Variants in IWS1 observed in about 807,000 individuals in gnomAD.
IWS1 encodes protein IWS1 homolog.
IWS1 carries 27 observed loss-of-function variants against 86.7 expected under a neutral mutation model. The ratio of observed to expected loss-of-function variants is 0.31; its 90% confidence interval spans 0.23 to 0.43. The LOEUF (loss-of-function observed/expected upper bound fraction) is 0.43, where lower values mean the gene tolerates loss of function less well. Ranked by LOEUF, IWS1 falls within the 20% of genes least tolerant of loss-of-function variation. IWS1 has a pLI of 1.00. For missense variants in IWS1, 827 were observed against 1,000.8 expected, an observed-to-expected ratio of 0.83 and a Z score of 2.34; for synonymous variants, 313 against 335.1, an observed-to-expected ratio of 0.93 and a Z score of 0.72.
chr2:127,511,977 A>G (rs1691477363), intron 2 of IWS1, among the ~76,000 whole-genome samples: 2 of 152,204 alleles, frequency 1.3e-5, no homozygotes, highest in South Asian at 2.1e-4. Flanking sequence ...ACTCAATTCA[A>G]GTAATGTTGG....
chr2:127,508,110 T>C (rs137922142), intron 2 of IWS1, among the ~76,000 whole-genome samples: 3 of 152,246 alleles, frequency 2.0e-5, no homozygotes, highest in South Asian at 2.1e-4. Context: ...ATAAAGGCCT[T>C]AAGTGGGAAT....
intron 5 of IWS1, among the ~76,000 whole-genome samples, chr2:127,501,970 T>C (rs1055046196): frequency 6.6e-6 from 1 of 152,236 alleles, no homozygotes. Context: ...TTGTTTCTTA[T>C]CTCCCTGAAC....
chr2:127,523,679 T>C lies in IWS1; in HGVS notation c.147A>G (p.Ser49=). 1.9e-6 allele frequency: 3 copies of C among 1,606,524 alleles called. No homozygotes were observed. Among genetic ancestry groups the C allele is most frequent in the East Asian group, 2.2e-5 (1 of 44,822 alleles). ...GSDTGSVERH[S]ENETSDREDG... ...AAAGATGTTGGTTAGCCAATACCTC[T>C]GAATGACGTTCTACACTTCCAGTGT... The change falls in exon 2 of 14, where the codon TCA becomes TCG. Residue 49 remains serine (S), a synonymous_variant. Transcript: ENST00000295321.
intron 2 of IWS1, among the ~76,000 whole-genome samples, chr2:127,519,108 T>C (rs1213983690): frequency 2.0e-5 from 3 of 152,184 alleles, no homozygotes; most frequent in African/African-American, 7.2e-5. Flanking sequence ...CTGAGTGTTT[T>C]TCAAATCTTG....
upstream of IWS1, chr2:127,526,572 C>T: frequency 7.1e-7 from 1 of 1,400,250 alleles, no homozygotes; most frequent in South Asian, 1.2e-5. Flanking sequence ...GCAATGACGC[C>T]AGGCACGGCC....
chr2:127,502,973 A>C (rs115638711), intron 4 of IWS1, 101 bp from the exon 5 acceptor site: 9,048 of 694,874 alleles, frequency 0.013, 88 homozygotes, highest in Non-Finnish European at 0.017. Context: ...AAATGTGCAG[A>C]TCTTCAGTGT....
Position 127,505,775 on chromosome 2 carries a change from A to T in IWS1, c.151-23T>A. ...ATTCTGAAAAATAAAGTGAGAAAAA[A>T]TTAGGAAAGTGCAAAAAAAAAAAAA... On this transcript the variant is annotated intron_variant, in intron 2 of 13. Coordinates refer to ENST00000295321, the MANE Select transcript of IWS1 (RefSeq NM_017969.3). The surrounding 1 kb of genome is among the most constrained non-coding windows in gnomAD (Gnocchi z 5.0). 7.1e-7 allele frequency: 1 copy of T among 1,404,196 alleles called. No homozygotes were observed. Among genetic ancestry groups the T allele is most frequent in the Non-Finnish European group, 9.6e-7 (1 of 1,040,754 alleles). The allele number at this position is 1,404,196 out of a possible 1,614,324, so 87.0% of individuals were successfully genotyped here. A position where few individuals can be genotyped will look rare whatever the true frequency, so the allele number is the denominator to read the frequency against.
chr2:127,512,720 G>T (rs773019005), intron 2 of IWS1, among the ~76,000 whole-genome samples: 18 of 152,114 alleles, frequency 1.2e-4, no homozygotes, highest in Non-Finnish European at 1.5e-4. Flanking sequence ...TCCTCTCAGT[G>T]CTTGGTATGT....
At chr2:127,521,813 C>A (rs898620871) in intron 2 of IWS1, among the ~76,000 whole-genome samples, 1 of 152,106 alleles carries the variant, frequency 6.6e-6, no homozygotes, top group Admixed American at 6.5e-5. Flanking sequence ...AACAGCCACA[C>A]TTATTTATTT....
chr2:127,524,958 C>G (rs546153867), intron 1 of IWS1, among the ~76,000 whole-genome samples: 1 of 151,744 alleles, frequency 6.6e-6, no homozygotes. Context: ...GTGCAACTTC[C>G]GCTCACTGCA....
intron 2 of IWS1, among the ~76,000 whole-genome samples, chr2:127,521,688 G>A (rs538838076): frequency 1.3e-5 from 2 of 152,202 alleles, no homozygotes; most frequent in South Asian, 2.1e-4. Context: ...AAAACAGAAC[G>A]GTTGTATGGG....
intron 7 of IWS1, 67 bp downstream of exon 7, chr2:127,495,930 CA>C (rs1164425512): frequency 1.7e-5 from 24 of 1,397,610 alleles, no homozygotes; most frequent in Admixed American, 1.5e-4. Context: ...GGTTAAGTAT[CA>C]AAAAAAGGGC....
At chr2:127,483,595 G>GGGGGGGTT in intron 13 of IWS1, among the ~76,000 whole-genome samples, 1 of 31,134 alleles carries the variant, frequency 3.2e-5, no homozygotes, top group African/African-American at 8.9e-5. Context: ...GTGGGGTGGG[G>GGGGGGGTT]GGGTTGGGCT....
intron 13 of IWS1, 150 bp downstream of exon 13, chr2:127,486,403 A>G: frequency 1.7e-6 from 1 of 588,794 alleles, no homozygotes; most frequent in Admixed American, 2.8e-5. Context: ...CTATTGCTCA[A>G]TTTGTGGTTT....
intron 13 of IWS1, among the ~76,000 whole-genome samples, chr2:127,485,521 T>C (rs1254530800): frequency 6.6e-6 from 1 of 152,158 alleles, no homozygotes; most frequent in African/African-American, 2.4e-5. Context: ...ACAAGCTACC[T>C]CCCACCAGGA....
At chr2:127,525,089 G>T (rs1471798539) in intron 1 of IWS1, among the ~76,000 whole-genome samples, 1 of 139,734 alleles carries the variant, frequency 7.2e-6, no homozygotes, top group East Asian at 2.1e-4. Flanking sequence ...TAGAGACGAA[G>T]TAGGGGGGTG....
intron 2 of IWS1, among the ~76,000 whole-genome samples, chr2:127,521,780 T>C (rs1233172671): frequency 6.6e-6 from 1 of 152,210 alleles, no homozygotes; most frequent in East Asian, 1.9e-4. Flanking sequence ...TCTGGGACAG[T>C]CTGTGATTTC....
intron 2 of IWS1, among the ~76,000 whole-genome samples, chr2:127,511,655 G>T (rs1041596994): frequency 2.0e-5 from 3 of 151,764 alleles, no homozygotes; most frequent in Non-Finnish European, 4.4e-5. Flanking sequence ...CTGTAAAAAT[G>T]TATCTTTTAC....
chr2:127,520,095 A>G (rs1403025032), intron 2 of IWS1, among the ~76,000 whole-genome samples: 1 of 152,218 alleles, frequency 6.6e-6, no homozygotes, highest in Non-Finnish European at 1.5e-5. Context: ...AAGTTGTATC[A>G]AGTTGTTACA....
Sources: allele counts gnomAD v4.1 joint callset (sites outside exome capture counted in the v4.1 genomes callset), GRCh38; gene constraint gnomAD v4.1.1; non-coding constraint Gnocchi (gnomAD v3.1); transcripts MANE v1.5; gene names NCBI Gene and HGNC (gene_info 2026-07-23, HGNC 2026-07-21).